HDGF: variants seen among roughly 807,000 people sequenced by gnomAD.
HDGF encodes hepatoma-derived growth factor.
HDGF carries 5 observed loss-of-function variants against 30.0 expected under a neutral mutation model. The ratio of observed to expected loss-of-function variants is 0.17; its 90% confidence interval spans 0.09 to 0.35. The LOEUF (loss-of-function observed/expected upper bound fraction) is 0.35. HDGF is among the 10% of genes least tolerant of loss of function. The pLI is 1.00. For synonymous variants in HDGF, 133 were observed against 112.7 expected, an observed-to-expected ratio of 1.18 and a Z score of -1.14; for missense variants, 214 against 302.8, an observed-to-expected ratio of 0.71 and a Z score of 2.18.
Position 156,745,029 on chromosome 1 carries a change from A to T in HDGF, c.282T>A (p.Thr94=). Residue 94 remains threonine, a synonymous_variant, in exon 3 of 6, where the codon ACT becomes ACA. Coordinates refer to ENST00000357325, the MANE Select transcript of HDGF (RefSeq NM_004494.3). The part of the protein sequence containing the change: ...EGLWEIENNP[T]VKASGYQSSQ... ...TCACCTGATAGCCGGAAGCCTTGACAGTAGGGTTGTTCTCGATCTCCCACA... is the reference window on the plus strand; with the variant it reads ...TCACCTGATAGCCGGAAGCCTTGACTGTAGGGTTGTTCTCGATCTCCCACA... 1 of 1,614,006 alleles carries T rather than the reference A, an allele frequency of 6.2e-7. No homozygotes were observed. Among genetic ancestry groups the T allele is most frequent in the Non-Finnish European group, 8.5e-7 (1 of 1,180,004 alleles).
At chr1:156,760,166 A>T (rs1007922511) in intron 1 of HDGF, among the ~76,000 whole-genome samples, 2 of 152,252 alleles carry the variant, frequency 1.3e-5, no homozygotes, top group African/African-American at 4.8e-5. Context: ...GTGTGTCTGC[A>T]TTCCTTTGGT....
chr1:156,756,049 G>A (rs1651149735), upstream of HDGF, among the ~76,000 whole-genome samples: 1 of 152,158 alleles, frequency 6.6e-6, no homozygotes, highest in Non-Finnish European at 1.5e-5. Context: ...TCAGGAGTTC[G>A]AGACCAGCCT....
upstream of HDGF, among the ~76,000 whole-genome samples, chr1:156,754,992 C>T (rs778943294): frequency 1.6e-4 from 24 of 152,094 alleles, no homozygotes; most frequent in Admixed American, 2.6e-4. Flanking sequence ...TCAGGAGGTT[C>T]GGAGTGTGTG....
intron 1 of HDGF, among the ~76,000 whole-genome samples, chr1:156,763,956 G>A (rs1159144823): frequency 6.6e-6 from 1 of 151,510 alleles, no homozygotes; most frequent in East Asian, 1.9e-4. Context: ...GGAGTGCAGT[G>A]GTGCGATCTC....
At chr1:156,751,933 G>C (rs940004275), upstream of HDGF, 57 of 1,121,122 alleles carry the variant, frequency 5.1e-5, no homozygotes, top group Middle Eastern at 6.0e-4. The surrounding 1 kb of genome is among the most constrained non-coding windows in gnomAD (Gnocchi z 4.7). Context: ...CGCCGAGCAG[G>C]CTTTGTGTGC....
At chr1:156,765,072 A>C (rs558925124) in intron 1 of HDGF, among the ~76,000 whole-genome samples, 330 of 150,756 alleles carry the variant, frequency 2.2e-3, no homozygotes, top group Non-Finnish European at 3.4e-3. Context: ...GCTCTGTAAT[A>C]CTTTATCCGC....
Position 156,751,481 on chromosome 1 carries a change from C to A in HDGF, c.-52G>T. 1 of 1,358,524 alleles carries A rather than the reference C, an allele frequency of 7.4e-7. No homozygotes were observed. Among genetic ancestry groups the A allele is most frequent in the Non-Finnish European group, 9.6e-7 (1 of 1,045,082 alleles). 84.2% of individuals were successfully genotyped at this position (1,358,524 alleles called of 1,614,324 possible). A position where few individuals can be genotyped will look rare whatever the true frequency, so the allele number is the denominator to read the frequency against. ...CGCGCCGGGCCGGGAAGCGCGAGCC[C>A]AAGTTTGCGCGTGCGGCGGTGGCGG... On this transcript the variant is annotated 5_prime_UTR_variant, in exon 1 of 6. Transcript: ENST00000357325. The surrounding 1 kb of genome is among the most constrained non-coding windows in gnomAD (Gnocchi z 4.7).
intron 1 of HDGF, among the ~76,000 whole-genome samples, chr1:156,765,472 C>CCT (rs1553251478): frequency 2.3e-5 from 2 of 85,982 alleles, no homozygotes; most frequent in African/African-American, 4.7e-5. Flanking sequence ...TTCTTTCTTT[C>CCT]TTTTTTTTTT....
rs1448258325 is a variant in HDGF, at chr1:156,744,042, C to T, written c.489+121G>A. The T allele has an allele frequency of 3.4e-6, 4 of 1,167,964 alleles. No homozygotes were observed. The Admixed American group carries it at 6.8e-5, about 20-fold the overall frequency. The allele number at this position is 1,167,964 out of a possible 1,614,324, so 72.4% of individuals were successfully genotyped here. A position where few individuals can be genotyped will look rare whatever the true frequency, so the allele number is the denominator to read the frequency against. On this transcript the variant is annotated intron_variant, in intron 4 of 5. Coordinates refer to ENST00000357325, the MANE Select transcript of HDGF (RefSeq NM_004494.3). ...TCCCATCTGGTCAGCTGGGGACTCC[C>T]CAAGACTAGGGGCTGGATCGACCTC...
Sources: gnomAD v4.1 joint callset for allele counts (sites outside exome capture counted in the v4.1 genomes callset) on GRCh38, gnomAD v4.1.1 for gene constraint, Gnocchi (gnomAD v3.1) non-coding constraint, MANE v1.5 for transcripts, NCBI Gene and HGNC (gene_info 2026-07-23, HGNC 2026-07-21) for gene names.